CSMD1: variants seen among roughly 807,000 people sequenced by gnomAD.
The protein encoded by CSMD1 is CUB and Sushi multiple domains 1.
CSMD1 carries 213 observed loss-of-function variants against 417.5 expected under a neutral mutation model. The observed-to-expected ratio is 0.51, with a 90% CI of 0.46 to 0.57. CSMD1 has a LOEUF of 0.57. CSMD1 is among the 20% of genes least tolerant of loss of function. CSMD1 has a pLI of 0.00. For missense variants in CSMD1, 6,923 were observed against 4,529.7 expected (o/e 1.53, Z -15.17); for synonymous variants, 2,862 against 1,736.8 (o/e 1.65, Z -16.11).
At chr8:4,813,208 A>C (rs181066534) in intron 1 of CSMD1, among the ~76,000 whole-genome samples, 2 of 152,222 alleles carry the variant, frequency 1.3e-5, no homozygotes, top group Non-Finnish European at 2.9e-5. Context: ...GGGCTTAGGA[A>C]TATATTCAAG....
chr8:4,891,217 T>C (rs1204650138), intron 1 of CSMD1, among the ~76,000 whole-genome samples: 3 of 152,164 alleles, frequency 2.0e-5, no homozygotes, highest in Non-Finnish European at 4.4e-5. Context: ...CATCTCACTA[T>C]GAAGAGGTAA....
intron 1 of CSMD1, among the ~76,000 whole-genome samples, chr8:4,768,410 C>T (rs557312572): frequency 9.2e-5 from 14 of 152,254 alleles, no homozygotes; most frequent in African/African-American, 3.1e-4. Context: ...TACAGTCTGC[C>T]GGGTGTCAGC....
Position 3,795,942 on chromosome 8 carries a change from G to GATATCATGTACAGATATAGATAT in CSMD1, c.819-41901_819-41900insATATCTATATCTGTACATGATAT. Among the ~76,000 whole-genome samples the GATATCATGTACAGATATAGATAT allele has an allele frequency of 2.9e-4, 8 of 27,918 alleles. 1 individual carries two copies. The highest frequency in any genetic ancestry group is 4.0e-4 in the African/African-American group (3 of 7,528). The allele number at this position is 27,918 out of a possible 152,430, so 18.3% of individuals were successfully genotyped here. ...TAGATATCTATCATGTACAGATATA[G>GATATCATGTACAGATATAGATAT]ATATCTATCATGTACAGATATAGAT... is the stretch of plus-strand genomic sequence containing the variant. On this transcript the variant is annotated intron_variant, in intron 5 of 69. Coordinates refer to ENST00000635120, the MANE Select transcript of CSMD1 (RefSeq NM_033225.6).
chr8:3,291,945 C>T (rs1159111823), intron 25 of CSMD1, among the ~76,000 whole-genome samples: 1 of 151,878 alleles, frequency 6.6e-6, no homozygotes, highest in Non-Finnish European at 1.5e-5. Context: ...ATCTTTCCTG[C>T]TTTCTCTTGT....
chr8:4,493,306 G>C (rs1404439264), intron 2 of CSMD1, among the ~76,000 whole-genome samples: 6 of 152,122 alleles, frequency 3.9e-5, no homozygotes, highest in East Asian at 1.9e-4. Context: ...AAGAGAGAGA[G>C]AGTTTGTGCG....
chr8:3,785,482 C>G (rs1799408750), intron 5 of CSMD1, among the ~76,000 whole-genome samples: 1 of 152,188 alleles, frequency 6.6e-6, no homozygotes, highest in South Asian at 2.1e-4. Context: ...GGCTTGTACT[C>G]TAGTGTTGGA....
intron 5 of CSMD1, among the ~76,000 whole-genome samples, chr8:3,763,615 T>C (rs1798124237): frequency 1.3e-5 from 2 of 152,264 alleles, no homozygotes; most frequent in Non-Finnish European, 2.9e-5. Flanking sequence ...TAAACCTCTG[T>C]TTTAAAAATA....
intron 5 of CSMD1, among the ~76,000 whole-genome samples, chr8:3,891,996 G>A (rs1048892301): frequency 2.0e-5 from 3 of 151,008 alleles, no homozygotes; most frequent in Admixed American, 6.6e-5. Context: ...ATTAGCACAC[G>A]ATACTATCAC....
At chr8:4,525,363 T>C (rs1349221525) in intron 2 of CSMD1, among the ~76,000 whole-genome samples, 10 of 152,144 alleles carry the variant, frequency 6.6e-5, no homozygotes, top group Non-Finnish European at 4.4e-5. Flanking sequence ...AAACCTCCAA[T>C]CTTAACACTC....
chr8:3,391,799 G>A (rs1013112013), intron 17 of CSMD1, among the ~76,000 whole-genome samples: 1 of 152,194 alleles, frequency 6.6e-6, no homozygotes, highest in African/African-American at 2.4e-5. Flanking sequence ...TGTCTGTAGA[G>A]ATCATTGGCA....
intron 5 of CSMD1, among the ~76,000 whole-genome samples, chr8:3,900,209 T>G (rs1364040266): frequency 4.0e-5 from 6 of 151,224 alleles, no homozygotes; most frequent in Admixed American, 3.9e-4. Context: ...TGGGTGACAG[T>G]GGAGCTGGGT....
intron 5 of CSMD1, among the ~76,000 whole-genome samples, chr8:3,849,748 G>C (rs1208147488): frequency 6.6e-6 from 1 of 152,150 alleles, no homozygotes; most frequent in Non-Finnish European, 1.5e-5. Flanking sequence ...TGAAGCTCTT[G>C]TACAAATATC....
rs565161542 is a variant in CSMD1 at position 4,241,600 on chromosome 8, G to C, written c.415+178353C>G. ...CGGACCCTAAATACCCGGAACACAA[G>C]TTTAGAGGATTTCTATGTAGAGGAG... is the stretch of plus-strand genomic sequence containing the variant. On this transcript the variant is annotated intron_variant, in intron 3 of 69. Transcript: ENST00000635120. 3.6e-4 allele frequency among the ~76,000 whole-genome samples: 55 copies of C among 152,258 alleles called. No homozygotes were observed. In the East Asian group the frequency reaches 0.01, roughly 29 times the overall value.
chr8:3,854,784 T>A (rs886932471), intron 5 of CSMD1, among the ~76,000 whole-genome samples: 1 of 151,608 alleles, frequency 6.6e-6, no homozygotes, highest in Non-Finnish European at 1.5e-5. Flanking sequence ...GAAGTGGTGA[T>A]CAAAATTCAT....
chr8:3,072,039 T>C (rs929765550), intron 49 of CSMD1, among the ~76,000 whole-genome samples: 1 of 152,232 alleles, frequency 6.6e-6, no homozygotes, highest in Non-Finnish European at 1.5e-5. Context: ...TTCTGGATAA[T>C]GCATTCCATA....
At chr8:4,782,837 C>A (rs1797218989) in intron 1 of CSMD1, among the ~76,000 whole-genome samples, 1 of 151,594 alleles carries the variant, frequency 6.6e-6, no homozygotes, top group Non-Finnish European at 1.5e-5. Context: ...TTAGAAAGCA[C>A]AACTCAAGCT....
At chr8:3,498,785 T>C (rs28750696) in intron 10 of CSMD1, among the ~76,000 whole-genome samples, 57,569 of 151,910 alleles carry the variant, frequency 0.38, 11,742 homozygotes, top group Middle Eastern at 0.49. Flanking sequence ...TTGTTGAAGC[T>C]CTTGATTTTA....
intron 50 of CSMD1, among the ~76,000 whole-genome samples, chr8:3,050,117 A>C (rs1276532608): frequency 1.1e-4 from 16 of 151,886 alleles, no homozygotes; most frequent in African/African-American, 2.2e-4. Flanking sequence ...AAAAAAAAAA[A>C]AAAACTGATG....
intron 2 of CSMD1, among the ~76,000 whole-genome samples, chr8:4,511,380 C>G (rs1802812323): frequency 6.6e-6 from 1 of 152,162 alleles, no homozygotes; most frequent in Non-Finnish European, 1.5e-5. Flanking sequence ...CAGGAGAATA[C>G]AAATCAGGAT....
Sources: allele counts gnomAD v4.1 joint callset (sites outside exome capture counted in the v4.1 genomes callset), GRCh38; gene constraint gnomAD v4.1.1; transcripts MANE v1.5; gene names NCBI Gene and HGNC (gene_info 2026-07-23, HGNC 2026-07-21).